Variants in RORA observed in about 807,000 individuals in gnomAD.
RORA encodes RAR related orphan receptor A.
RORA carries 7 observed loss-of-function variants against 69.5 expected under a neutral mutation model. The observed-to-expected ratio is 0.10, with a 90% CI of 0.06 to 0.19. RORA has a LOEUF of 0.19. Among genes scored for constraint, RORA ranks in the 10% least tolerant of loss-of-function variants. RORA has a pLI of 1.00. For synonymous variants in RORA, 261 were observed against 240.8 expected (o/e 1.08, Z -0.78); for missense variants, 457 against 663.0 (o/e 0.69, Z 3.41).
intron 1 of RORA, among the ~76,000 whole-genome samples, chr15:60,939,042 G>C (rs550649335): frequency 2.0e-5 from 3 of 152,298 alleles, no homozygotes; most frequent in South Asian, 4.1e-4. Context: ...TTGCTCGTTG[G>C]TCCATTTCAA....
At chr15:60,946,810 T>C (rs1471904593) in intron 1 of RORA, among the ~76,000 whole-genome samples, 2 of 150,868 alleles carry the variant, frequency 1.3e-5, no homozygotes, top group African/African-American at 2.5e-5. Context: ...CACCATCCCG[T>C]CTAGGAAGTG....
chr15:60,842,081 A>G (rs1185169253), intron 1 of RORA, among the ~76,000 whole-genome samples: 1 of 150,414 alleles, frequency 6.6e-6, no homozygotes, highest in Non-Finnish European at 1.5e-5. Flanking sequence ...TGCCAAGCTG[A>G]CCCATCCCTT....
chr15:60,821,539 G>A (rs2072894086), intron 1 of RORA, among the ~76,000 whole-genome samples: 2 of 152,156 alleles, frequency 1.3e-5, no homozygotes, highest in Non-Finnish European at 2.9e-5. Context: ...ATTCCTCAAA[G>A]GCTGGGAACA....
chr15:60,938,920 G>C (rs187476000), intron 1 of RORA, among the ~76,000 whole-genome samples: 17 of 152,314 alleles, frequency 1.1e-4, no homozygotes, highest in African/African-American at 4.1e-4. Flanking sequence ...AAAGGCACTG[G>C]CCCATGCCCG....
intron 1 of RORA, among the ~76,000 whole-genome samples, chr15:61,219,073 ACACTATTTT>A (rs964916929): frequency 3.3e-5 from 5 of 152,202 alleles, no homozygotes; most frequent in African/African-American, 1.2e-4. Context: ...TGAGACTTGG[ACACTATTTT>A]CACTATGTTT....
intron 1 of RORA, among the ~76,000 whole-genome samples, chr15:60,926,129 T>C (rs1021202385): frequency 6.6e-6 from 1 of 152,222 alleles, no homozygotes; most frequent in African/African-American, 2.4e-5. Flanking sequence ...GTAACATTCA[T>C]GACAGGTATA....
chr15:60,713,873 G>C (rs35853378), intron 1 of RORA, among the ~76,000 whole-genome samples: 46,231 of 152,108 alleles, frequency 0.3, 7,721 homozygotes, highest in Non-Finnish European at 0.39. Context: ...GCAACGCAGA[G>C]TAACAGCTGC....
intron 1 of RORA, among the ~76,000 whole-genome samples, chr15:60,921,548 AGGT>A (rs1404145699): frequency 1.3e-5 from 2 of 152,210 alleles, no homozygotes; most frequent in African/African-American, 2.4e-5. Context: ...CAAGGTCATG[AGGT>A]GGTTTTGGAG....
At chr15:60,723,359 T>C (rs1456725396) in intron 1 of RORA, among the ~76,000 whole-genome samples, 1 of 151,602 alleles carries the variant, frequency 6.6e-6, no homozygotes, top group African/African-American at 2.4e-5. Flanking sequence ...TTGACAAATG[T>C]GATCCTATCA....
chr15:61,122,874 G>C (rs1021620184), intron 1 of RORA, among the ~76,000 whole-genome samples: 4 of 152,112 alleles, frequency 2.6e-5, no homozygotes, highest in Non-Finnish European at 4.4e-5. Flanking sequence ...GCATTACTGA[G>C]TAAAATATAT....
intron 1 of RORA, among the ~76,000 whole-genome samples, chr15:60,840,649 A>T (rs2073184061): frequency 6.6e-6 from 1 of 152,224 alleles, no homozygotes; most frequent in Non-Finnish European, 1.5e-5. Flanking sequence ...GTGTCCCGCC[A>T]CTGCTAGGCT....
At chr15:61,057,775 C>T (rs184371229) in intron 1 of RORA, among the ~76,000 whole-genome samples, 4 of 152,284 alleles carry the variant, frequency 2.6e-5, no homozygotes, top group Admixed American at 1.3e-4. Context: ...CTGAGCACCC[C>T]ACTCATACTT....
chr15:61,128,062 G>A lies in RORA; in HGVS notation c.166+100991C>T, dbSNP rs2079158322. On this transcript the variant is annotated intron_variant, in intron 1 of 10. Transcript: ENST00000335670. The surrounding 1 kb of genome is among the most constrained non-coding windows in gnomAD (Gnocchi z 4.5). ...TTTTAAATCTGGAGGAAAAAAACAA[G>A]GGAAGGAGAAAGGGAGGGAAAATGC... Among the ~76,000 whole-genome samples, 1 of 152,078 alleles carries A rather than the reference G, an allele frequency of 6.6e-6. No individual in the cohort carries two copies. The highest frequency in any genetic ancestry group is 6.5e-5 in the Admixed American group (1 of 15,282).
chr15:61,210,904 A>G (rs1180423199), intron 1 of RORA, among the ~76,000 whole-genome samples: 2 of 152,238 alleles, frequency 1.3e-5, no homozygotes, highest in Non-Finnish European at 2.9e-5. Flanking sequence ...TCTTCTGCAC[A>G]GAGAGGCCCT....
At chr15:61,021,770 G>A (rs1895537265) in intron 1 of RORA, among the ~76,000 whole-genome samples, 1 of 152,228 alleles carries the variant, frequency 6.6e-6, no homozygotes, top group African/African-American at 2.4e-5. Context: ...ATGCACGGAA[G>A]CACTATCAAT....
chr15:60,590,707 G>A (rs925745286), intron 2 of RORA, among the ~76,000 whole-genome samples: 2 of 151,762 alleles, frequency 1.3e-5, no homozygotes, highest in Non-Finnish European at 2.9e-5. Context: ...TGGGGGGGTG[G>A]GGGAGAATAG....
chr15:60,753,462 A>T (rs903264810), intron 1 of RORA, among the ~76,000 whole-genome samples: 1 of 152,226 alleles, frequency 6.6e-6, no homozygotes, highest in East Asian at 1.9e-4. Flanking sequence ...ACAGGGAAAT[A>T]AAAACAGCCA....
At chr15:60,912,404 C>T (rs1595811883) in intron 1 of RORA, among the ~76,000 whole-genome samples, 1 of 151,106 alleles carries the variant, frequency 6.6e-6, no homozygotes, top group African/African-American at 2.4e-5. Flanking sequence ...CCAGCCTGGG[C>T]AATAGAGGGA....
At chr15:60,957,634 A>G (rs1011565160) in intron 1 of RORA, among the ~76,000 whole-genome samples, 2 of 152,222 alleles carry the variant, frequency 1.3e-5, no homozygotes, top group African/African-American at 4.8e-5. Context: ...AGATGCACAT[A>G]TACTAATTAT....
Sources: gnomAD v4.1 joint callset for allele counts (sites outside exome capture counted in the v4.1 genomes callset) on GRCh38, gnomAD v4.1.1 for gene constraint, Gnocchi (gnomAD v3.1) non-coding constraint, MANE v1.5 for transcripts, NCBI Gene and HGNC (gene_info 2026-07-23, HGNC 2026-07-21) for gene names.